Variants in GALNT8 observed in about 807,000 individuals in gnomAD.
GALNT8 encodes probable polypeptide N-acetylgalactosaminyltransferase 8.
In GALNT8, 66 loss-of-function variants were observed where a neutral mutation model predicts 62.7. The ratio of observed to expected loss-of-function variants is 1.05; its 90% CI spans 0.86 to 1.29. GALNT8 has a LOEUF of 1.29. Ranked by LOEUF, GALNT8 falls within the 50% of genes most tolerant of loss-of-function variation. GALNT8 has a pLI of 0.00. For synonymous variants in GALNT8, 288 were observed against 294.3 expected (o/e 0.98, Z 0.22); for missense variants, 771 against 791.8 (o/e 0.97, Z 0.32).
At chr12:4,752,440 G>A (rs180760497) in intron 6 of GALNT8, among the ~76,000 whole-genome samples, 6 of 147,706 alleles carry the variant, frequency 4.1e-5, no homozygotes, top group Non-Finnish European at 7.5e-5. Context: ...TTTGGTTTGG[G>A]GTTTTCATGA....
chr12:4,724,964 G>T (rs1354519958), intron 1 of GALNT8, among the ~76,000 whole-genome samples: 1 of 152,166 alleles, frequency 6.6e-6, no homozygotes, highest in African/African-American at 2.4e-5. Flanking sequence ...ACACGATGGG[G>T]CTGTCCCCTC....
At position 4,738,522 on chromosome 12, in the gene GALNT8, A is replaced by G. The variant is rs138450794; in HGVS notation, c.510-641A>G. On this transcript the variant is annotated intron_variant, in intron 2 of 10. Transcript: ENST00000252318. ...ATATTTGCAAACCATACATCTGATA[A>G]GAAGTCTAGAATATATAAAGAATGC... Among the ~76,000 whole-genome samples, 561 of 152,364 alleles carry G rather than the reference A, an allele frequency of 3.7e-3. 3 individuals carry two copies. The highest frequency in any genetic ancestry group is 6.8e-3 in the Middle Eastern group (2 of 294).
chr12:4,766,448 C>T (rs1360053128), intron 10 of GALNT8, among the ~76,000 whole-genome samples: 3 of 152,126 alleles, frequency 2.0e-5, no homozygotes, highest in African/African-American at 4.8e-5. Context: ...GTGTTCAATA[C>T]GCATTAGCCA....
In GALNT8 at chr12:4,763,359, AG is replaced by A. The variant is rs1353323806; in HGVS notation, c.1467del (p.Lys489AsnfsTer12). On this transcript the variant is annotated frameshift_variant, in exon 8 of 11. Transcript: ENST00000252318. LOFTEE classifies it high-confidence loss of function. Reference sequence around the variant, plus strand: ...CTGAAAAATGTTTATCCACTCTTGAAGCCACTCCACACCATCGTGGGCTATG... The same window carrying A: ...CTGAAAAATGTTTATCCACTCTTGAACCACTCCACACCATCGTGGGCTATG... ...WYLKNVYPLL[K>X]PLHTIVGYGR... 1 of 1,613,126 alleles carries A rather than the reference AG, an allele frequency of 6.2e-7. No individual in the cohort carries two copies. Among genetic ancestry groups the A allele is most frequent in the Non-Finnish European group, 8.5e-7 (1 of 1,179,184 alleles).
chr12:4,761,285 C>T (rs1946371571), intron 7 of GALNT8, 142 bp downstream of exon 7: 1 of 649,200 alleles, frequency 1.5e-6, no homozygotes, highest in Admixed American at 2.8e-5. Context: ...AATAATGGCT[C>T]TTAACATTTA....
intron 6 of GALNT8, among the ~76,000 whole-genome samples, chr12:4,755,662 A>C (rs7979891): frequency 0.77 from 117,810 of 152,052 alleles, 45,997 homozygotes; most frequent in Non-Finnish European, 0.82. Context: ...CCTTCTAGTC[A>C]ACCATCTTGC....
Position 4,760,970 on chromosome 12 carries a change from G to T in GALNT8, c.1186G>T (p.Gly396Ter), listed in dbSNP as rs751013055. 5.0e-6 allele frequency: 8 copies of T among 1,613,856 alleles called. No individual in the cohort carries two copies. The highest frequency in any genetic ancestry group is 6.8e-6 in the Non-Finnish European group (8 of 1,179,956). The change falls in exon 7 of 11, where the codon GGA becomes TGA. Residue 396 changes from glycine to a stop codon, truncating the protein, a stop_gained. Coordinates refer to ENST00000252318, the MANE Select transcript of GALNT8 (RefSeq NM_017417.2). LOFTEE classifies it high-confidence loss of function. Reference protein sequence around the residue: ...VELSLRVWQCGGKVEILPCSR... With the variant: ...VELSLRVWQC Reference sequence around the variant, plus strand: ...TCTTCTTCTGCAGGTGTGGCAGTGTGGAGGGAAGGTCGAGATTTTGCCCTG... The same window carrying T: ...TCTTCTTCTGCAGGTGTGGCAGTGTTGAGGGAAGGTCGAGATTTTGCCCTG...
intron 3 of GALNT8, among the ~76,000 whole-genome samples, chr12:4,741,772 T>G (rs1030174446): frequency 1.3e-5 from 2 of 152,170 alleles, no homozygotes; most frequent in African/African-American, 4.8e-5. Context: ...TGTAACACAT[T>G]CCTCTCATTT....
chr12:4,730,616 A>G (rs981924888), intron 2 of GALNT8, among the ~76,000 whole-genome samples: 1 of 152,144 alleles, frequency 6.6e-6, no homozygotes, highest in Non-Finnish European at 1.5e-5. Flanking sequence ...ACCATAGCTT[A>G]ATATAGTATA....
intron 1 of GALNT8, among the ~76,000 whole-genome samples, chr12:4,724,611 A>G (rs1018133899): frequency 6.6e-6 from 1 of 152,262 alleles, no homozygotes; most frequent in African/African-American, 2.4e-5. Context: ...ATAGTGTTCC[A>G]TCTGGGACAC....
At chr12:4,755,924 T>A (rs746091064) in intron 6 of GALNT8, among the ~76,000 whole-genome samples, 1 of 152,174 alleles carries the variant, frequency 6.6e-6, no homozygotes, top group Admixed American at 6.5e-5. Flanking sequence ...ACTCTGGGGC[T>A]CAGGCAAATG....
chr12:4,726,416 A>G lies in GALNT8; in HGVS notation c.212-116A>G, dbSNP rs1946195645. On this transcript the variant is annotated intron_variant, in intron 1 of 10. Transcript: ENST00000252318. This position sits in a 1 kb window ranked among gnomAD's most constrained non-coding sequence, Gnocchi z 4.1. Reference sequence around the variant, plus strand: ...ACATCCTCTGTGACAAGAGCTTATAAGTTTTAAGATGTAGTGGGTAAACCG... The same window carrying G: ...ACATCCTCTGTGACAAGAGCTTATAGGTTTTAAGATGTAGTGGGTAAACCG... 7.1e-6 allele frequency: 5 copies of G among 699,854 alleles called. No individual in the cohort carries two copies. Among genetic ancestry groups the G allele is most frequent in the Admixed American group, 2.8e-5 (1 of 35,356 alleles). The allele number at this position is 699,854 out of a possible 1,614,324, so 43.4% of individuals were successfully genotyped here. A position where few individuals can be genotyped will look rare whatever the true frequency, so the allele number is the denominator to read the frequency against.
intron 2 of GALNT8, among the ~76,000 whole-genome samples, chr12:4,734,358 G>A (rs1946234966): frequency 6.6e-6 from 1 of 152,232 alleles, no homozygotes; most frequent in South Asian, 2.1e-4. Context: ...AAGAAATTCA[G>A]GATCTCAGAC....
chr12:4,739,764 G>A (rs572550336), intron 3 of GALNT8, among the ~76,000 whole-genome samples: 16 of 150,812 alleles, frequency 1.1e-4, no homozygotes, highest in South Asian at 2.1e-4. Flanking sequence ...TACTGGGTCC[G>A]CGCCATTCTC....
intron 6 of GALNT8, among the ~76,000 whole-genome samples, chr12:4,753,443 A>G (rs191801515): frequency 7.2e-5 from 11 of 152,280 alleles, no homozygotes; most frequent in Admixed American, 4.6e-4. Flanking sequence ...TGTTTGACCA[A>G]TTCTGCTATT....
intron 2 of GALNT8, among the ~76,000 whole-genome samples, chr12:4,738,145 C>G (rs1946254386): frequency 6.6e-6 from 1 of 152,178 alleles, no homozygotes; most frequent in Non-Finnish European, 1.5e-5. Context: ...TGATTCTTGA[C>G]AAGGGTGCTA....
intron 6 of GALNT8, among the ~76,000 whole-genome samples, chr12:4,747,938 T>C (rs1175100646): frequency 6.6e-6 from 1 of 152,230 alleles, no homozygotes; most frequent in African/African-American, 2.4e-5. Flanking sequence ...GATATCTCAC[T>C]GTAGTTTTGA....
intron 6 of GALNT8, among the ~76,000 whole-genome samples, chr12:4,753,295 ACT>A (rs1414805363): frequency 6.6e-6 from 1 of 151,716 alleles, no homozygotes; most frequent in African/African-American, 2.4e-5. Flanking sequence ...CAGGCCTGTA[ACT>A]CTTACATTTT....
chr12:4,749,100 T>C lies in GALNT8; in HGVS notation c.1173+2842T>C, dbSNP rs114411461. Among the ~76,000 whole-genome samples, 532 of 152,244 alleles carry C rather than the reference T, an allele frequency of 3.5e-3. 3 individuals are homozygous for C. Among genetic ancestry groups the C allele is most frequent in the African/African-American group, 0.012 (489 of 41,552 alleles). On this transcript the variant is annotated intron_variant, in intron 6 of 10. Transcript: ENST00000252318. The surrounding 1 kb of genome is among the most constrained non-coding windows in gnomAD (Gnocchi z 4.1). ...TACTGAATTTATCAGTTCGAATAGTTTTTTGGTGGAGTCTTTATGTTTTTC... is the reference window on the plus strand; with the variant it reads ...TACTGAATTTATCAGTTCGAATAGTCTTTTGGTGGAGTCTTTATGTTTTTC...
Sources: gnomAD v4.1 joint callset for allele counts (sites outside exome capture counted in the v4.1 genomes callset) on GRCh38, gnomAD v4.1.1 for gene constraint, Gnocchi (gnomAD v3.1) non-coding constraint, MANE v1.5 for transcripts, NCBI Gene and HGNC (gene_info 2026-07-23, HGNC 2026-07-21) for gene names.